The following SPTA1 variants were observed in gnomAD, a reference collection of about 807,000 sequenced individuals.
SPTA1 encodes the protein spectrin alpha, erythrocytic 1.
In SPTA1, 177 loss-of-function variants were observed where a neutral mutation model predicts 324.7. The observed-to-expected ratio is 0.55, with a 90% confidence interval of 0.48 to 0.62. The LOEUF (loss-of-function observed/expected upper bound fraction) is 0.62. Among genes scored for constraint, SPTA1 ranks in the 20% least tolerant of loss-of-function variants. The pLI is 0.00. For missense variants in SPTA1, 3,162 were observed against 2,883.6 expected (o/e 1.10, Z -2.21); for synonymous variants, 1,195 against 1,041.3 (o/e 1.15, Z -2.84).
At chr1:158,660,061 G>A (rs1328486208) in intron 18 of SPTA1, among the ~76,000 whole-genome samples, 1 of 151,962 alleles carries the variant, frequency 6.6e-6, no homozygotes, top group Non-Finnish European at 1.5e-5. Flanking sequence ...GTAGCTAATA[G>A]GCCAATTTGA....
At chr1:158,613,326 T>G (rs1334804024) in intron 50 of SPTA1, among the ~76,000 whole-genome samples, 1 of 152,086 alleles carries the variant, frequency 6.6e-6, no homozygotes, top group Non-Finnish European at 1.5e-5. Flanking sequence ...TAACAGTTAC[T>G]TGATCTCTTG....
intron 8 of SPTA1, 148 bp downstream of exon 8, chr1:158,675,993 T>C: frequency 9.7e-7 from 1 of 1,030,698 alleles, no homozygotes; most frequent in Non-Finnish European, 1.4e-6. Flanking sequence ...AGGACTTCCT[T>C]TGGCAACTTA....
chr1:158,671,877 G>T (rs1654051305), intron 11 of SPTA1, among the ~76,000 whole-genome samples, 182 bp downstream of exon 11: 1 of 152,176 alleles, frequency 6.6e-6, no homozygotes, highest in South Asian at 2.1e-4. Context: ...TTTTGTTGAT[G>T]AGGGAATTGT....
At chr1:158,658,558 A>G (rs78665015) in intron 18 of SPTA1, among the ~76,000 whole-genome samples, 16,183 of 152,216 alleles carry the variant, frequency 0.11, 902 homozygotes, top group Middle Eastern at 0.21. Flanking sequence ...GAAGAGTAAC[A>G]TATCTCAATA....
rs530474786 is a variant in SPTA1 at position 158,678,430 on chromosome 1, G to A, written c.783C>T (p.Ser261=). 3 of 1,613,686 alleles carry A rather than the reference G, an allele frequency of 1.9e-6. No homozygotes were observed. Among genetic ancestry groups the A allele is most frequent in the Admixed American group, 3.3e-5 (2 of 59,970 alleles). The change falls in exon 6 of 52, where the codon TCC becomes TCT. Residue 261 remains serine, a synonymous_variant. Coordinates refer to ENST00000643759, the MANE Select transcript of SPTA1 (RefSeq NM_003126.4). ...TGAATCGTTGTAAGTTTGCAGCATTGGACAGAGCTTTCTGTCTCTGGAGAG... is the reference window on the plus strand; with the variant it reads ...TGAATCGTTGTAAGTTTGCAGCATTAGACAGAGCTTTCTGTCTCTGGAGAG... ...GLALQRQKAL[S]NAANLQRFKR...
intron 45 of SPTA1, 68 bp from the exon 46 acceptor site, chr1:158,618,124 C>A: frequency 1.4e-6 from 2 of 1,423,154 alleles, no homozygotes; most frequent in South Asian, 2.3e-5. Context: ...AAATGGATTA[C>A]TTTAAAGATC....
rs1652540624 is a variant in SPTA1, at chr1:158,652,668, G to A, written c.3189-15C>T. The A allele has an allele frequency of 1.2e-6, 2 of 1,613,882 alleles. No individual in the cohort carries two copies. The highest frequency in any genetic ancestry group is 1.7e-6 in the Non-Finnish European group (2 of 1,179,974). On this transcript the variant is annotated splice_polypyrimidine_tract_variant and intron_variant, in intron 22 of 51. Coordinates refer to ENST00000643759, the MANE Select transcript of SPTA1 (RefSeq NM_003126.4). ...GGGAGCGGTATCTGGATGGAGAATT[G>A]GGAAAAGTGGAATAAAAGAAGGAGA...
At chr1:158,670,971 A>G (rs1653979595) in intron 12 of SPTA1, among the ~76,000 whole-genome samples, 1 of 151,876 alleles carries the variant, frequency 6.6e-6, no homozygotes. Context: ...ATAAAACAAA[A>G]CCATACACTT....
rs544144112 is a variant in SPTA1, at chr1:158,680,859, C to T, written c.532-130G>A. ...ATACTGGGGGAGACTGGGAGAAGCT[C>T]TCCTGGAAAAGGCCAGCAGCAGAAG... On this transcript the variant is annotated intron_variant, in intron 4 of 51. Transcript: ENST00000643759. The T allele has an allele frequency of 1.6e-4, 208 of 1,266,184 alleles. 2 individuals carry two copies. The South Asian group carries it at 2.4e-3, about 15-fold the overall frequency. The allele number at this position is 1,266,184 out of a possible 1,614,324, so 78.4% of individuals were successfully genotyped here. A position where few individuals can be genotyped will look rare whatever the true frequency, so the allele number is the denominator to read the frequency against.
intron 30 of SPTA1, 51 bp downstream of exon 30, chr1:158,644,202 G>T (rs750107626): frequency 1.2e-6 from 2 of 1,600,884 alleles, no homozygotes; most frequent in South Asian, 1.1e-5. Flanking sequence ...TAGGATTTCT[G>T]TTATTATTAC....
rs1419457688 is a variant in SPTA1 at position 158,626,820 on chromosome 1, T to C, written c.5833+19A>G. 1.2e-6 allele frequency: 2 copies of C among 1,613,368 alleles called. No homozygotes were observed. Among genetic ancestry groups the C allele is most frequent in the South Asian group, 2.2e-5 (2 of 91,070 alleles). On this transcript the variant is annotated intron_variant, in intron 41 of 51. Coordinates refer to ENST00000643759, the MANE Select transcript of SPTA1 (RefSeq NM_003126.4). ...AGGGTTTCTCAAACCCAAGGGACCCTGAACCTGACACATCATACCTATCCA... is the reference window on the plus strand; with the variant it reads ...AGGGTTTCTCAAACCCAAGGGACCCCGAACCTGACACATCATACCTATCCA...
rs1218178981 is a variant in SPTA1 at position 158,610,812 on chromosome 1, A to G, written c.*452T>C. 2 of 155,610 alleles carry G rather than the reference A, an allele frequency of 1.3e-5. No homozygotes were observed. The highest frequency in any genetic ancestry group is 1.9e-4 in the East Asian group (1 of 5,310). The allele number at this position is 155,610 out of a possible 1,614,324, so 9.6% of individuals were successfully genotyped here. A position where few individuals can be genotyped will look rare whatever the true frequency, so the allele number is the denominator to read the frequency against. On this transcript the variant is annotated 3_prime_UTR_variant, in exon 52 of 52. Transcript: ENST00000643759. ...TTGGATTTTATTTATCTACTATACCATGGCCCTTCTTTACAGTAAAATTAG... is the reference window on the plus strand; with the variant it reads ...TTGGATTTTATTTATCTACTATACCGTGGCCCTTCTTTACAGTAAAATTAG...
Position 158,647,618 on chromosome 1 carries a change from C to T in SPTA1, c.3817G>A (p.Asp1273Asn). 6.2e-7 allele frequency: 1 copy of T among 1,613,974 alleles called. No individual in the cohort carries two copies. The highest frequency in any genetic ancestry group is 8.5e-7 in the Non-Finnish European group (1 of 1,179,944). The change falls in exon 27 of 52, where the codon GAC (aspartate) becomes AAC (asparagine). Residue 1273 changes from aspartate (D) to asparagine (N), a missense_variant. Asp to Asn is a conservative substitution (Grantham distance 23). Transcript: ENST00000643759. ...CGATCCTTTGTACGCCCCTGCAGGTCTTCCCAGGCCTCATTCAGCTCCATT... is the reference window on the plus strand; with the variant it reads ...CGATCCTTTGTACGCCCCTGCAGGTTTTCCCAGGCCTCATTCAGCTCCATT... ...QKMELNEAWE[D>N]LQGRTKDRKE...
rs1379184666 is a variant in SPTA1, at chr1:158,636,912, T to C, written c.5190-151A>G. 4.9e-5 allele frequency: 67 copies of C among 1,377,720 alleles called. 1 individual carries two copies. In the Admixed American group the frequency reaches 1.3e-3, roughly 26 times the overall value. 85.3% of individuals were successfully genotyped at this position (1,377,720 alleles called of 1,614,324 possible). A position where few individuals can be genotyped will look rare whatever the true frequency, so the allele number is the denominator to read the frequency against. Reference sequence around the variant, plus strand: ...CTGGTGCCAATGACCAAAAATATAATTAGTGGAAGAGGCTTGCAGCAAAAC... The same window carrying C: ...CTGGTGCCAATGACCAAAAATATAACTAGTGGAAGAGGCTTGCAGCAAAAC... On this transcript the variant is annotated intron_variant, in intron 36 of 51. Coordinates refer to ENST00000643759, the MANE Select transcript of SPTA1 (RefSeq NM_003126.4).
At chr1:158,649,758 G>T in intron 25 of SPTA1, 98 bp downstream of exon 25, 2 of 1,033,380 alleles carry the variant, frequency 1.9e-6, no homozygotes, top group Non-Finnish European at 3.0e-6. Context: ...TCCATCTCAC[G>T]AAAAAAGATT....
At chr1:158,667,373 A>G (rs1653683484) in intron 15 of SPTA1, among the ~76,000 whole-genome samples, 2 of 152,234 alleles carry the variant, frequency 1.3e-5, no homozygotes, top group South Asian at 4.1e-4. Flanking sequence ...TAGCAAGCCT[A>G]AACACTTTCA....
At position 158,648,657 on chromosome 1, in the gene SPTA1, G is replaced by A. The variant is rs368705298; in HGVS notation, c.3570-4C>T. 2 of 1,613,432 alleles carry A rather than the reference G, an allele frequency of 1.2e-6. No homozygotes were observed. The highest frequency in any genetic ancestry group is 8.5e-7 in the Non-Finnish European group (1 of 1,179,792). ...CTCCTTCGTGTCATCTGCTTCTCTG[G>A]TATACAAGAGAGTAGAGAGTTCAAA... On this transcript the variant is annotated splice_region_variant and splice_polypyrimidine_tract_variant and intron_variant, in intron 25 of 51. Transcript: ENST00000643759.
At position 158,685,132 on chromosome 1, in the gene SPTA1, G is replaced by A; in HGVS notation, c.240C>T (p.Ser80=). Residue 80 remains serine, a synonymous_variant, in exon 2 of 52, where the codon AGC becomes AGT. Coordinates refer to ENST00000643759, the MANE Select transcript of SPTA1 (RefSeq NM_003126.4). The part of the protein sequence containing the change: ...MEKVNILTDK[S]YEDPTNIQGK... The stretch of plus-strand genomic sequence containing the variant: ...CCTGTATATTAGTTGGGTCTTCATA[G>A]CTCTTATCGGTTAAGATATTGACTT... The A allele has an allele frequency of 3.7e-6, 6 of 1,613,680 alleles. No individual in the cohort carries two copies. Among genetic ancestry groups the A allele is most frequent in the Non-Finnish European group, 5.1e-6 (6 of 1,179,774 alleles).
At chr1:158,626,115 C>G in intron 42 of SPTA1, 31 bp downstream of exon 42, 1 of 1,600,632 alleles carries the variant, frequency 6.2e-7, no homozygotes, top group Non-Finnish European at 8.6e-7. Flanking sequence ...TGAATCAGGT[C>G]TTGGGCTTAC....
Sources: gnomAD v4.1 joint callset for allele counts (sites outside exome capture counted in the v4.1 genomes callset) on GRCh38, gnomAD v4.1.1 for gene constraint, MANE v1.5 for transcripts, NCBI Gene and HGNC (gene_info 2026-07-23, HGNC 2026-07-21) for gene names.